Variants in PRMT3 observed in about 807,000 individuals in gnomAD.
PRMT3 encodes protein arginine methyltransferase 3.
PRMT3 carries 62 observed loss-of-function variants against 71.9 expected under a neutral mutation model. That is an observed-to-expected ratio of 0.86 (90% CI 0.70 to 1.07). The LOEUF is 1.07. Among genes scored for constraint, PRMT3 ranks in the 50% least tolerant of loss-of-function variants. PRMT3 has a pLI of 0.00. For synonymous variants in PRMT3, 213 were observed against 220.4 expected (o/e 0.97, Z 0.30); for missense variants, 663 against 643.0 (o/e 1.03, Z -0.34).
chr11:20,503,226 GATTAT>G (rs1795646739), intron 15 of PRMT3, among the ~76,000 whole-genome samples: 1 of 151,924 alleles, frequency 6.6e-6, no homozygotes, highest in Non-Finnish European at 1.5e-5. Context: ...TCCTTTAAAA[GATTAT>G]ATTACTACTT....
intron 15 of PRMT3, among the ~76,000 whole-genome samples, chr11:20,503,442 C>T (rs1202018013): frequency 6.6e-6 from 1 of 152,014 alleles, no homozygotes; most frequent in Non-Finnish European, 1.5e-5. Context: ...TTACATATAC[C>T]ACTGTGGAAA....
intron 10 of PRMT3, among the ~76,000 whole-genome samples, chr11:20,439,256 T>A (rs1230275850): frequency 6.6e-6 from 1 of 152,020 alleles, no homozygotes; most frequent in Non-Finnish European, 1.5e-5. Flanking sequence ...TCTGTAGATG[T>A]CCAATGTGTT....
Position 20,508,633 on chromosome 11 carries a change from G to C in PRMT3, c.*220G>C, listed in dbSNP as rs7119577. ...GGTCTGCCACGTAATCATTTTCTTA[G>C]ACGTTTGCTCCACCAGATTTAACCA... On this transcript the variant is annotated 3_prime_UTR_variant, in exon 16 of 16. Coordinates refer to ENST00000331079, the MANE Select transcript of PRMT3 (RefSeq NM_005788.4). 2.3e-5 allele frequency: 15 copies of C among 654,760 alleles called. No individual in the cohort carries two copies. Among genetic ancestry groups the C allele is most frequent in the Admixed American group, 2.3e-4 (11 of 48,600 alleles). The allele number at this position is 654,760 out of a possible 1,614,324, so 40.6% of individuals were successfully genotyped here. A position where few individuals can be genotyped will look rare whatever the true frequency, so the allele number is the denominator to read the frequency against.
At chr11:20,495,901 A>G (rs183349950) in intron 15 of PRMT3, among the ~76,000 whole-genome samples, 130 of 152,324 alleles carry the variant, frequency 8.5e-4, no homozygotes, top group Non-Finnish European at 1.3e-3. Context: ...TTGTCCATCA[A>G]TTGGGGGAAG....
Position 20,508,350 on chromosome 11 carries a change from T to C in PRMT3, c.1533T>C (p.Asp511=). ...GKVTVHKNKK[D]PRSLTVTLTL... is the part of the protein sequence containing the mutation. ...TCACAGTTCACAAGAATAAGAAAGATCCACGTTCTCTCACCGTGACCCTCA... is the reference window on the plus strand; with the variant it reads ...TCACAGTTCACAAGAATAAGAAAGACCCACGTTCTCTCACCGTGACCCTCA... Residue 511 remains aspartate, a synonymous_variant, in exon 16 of 16, where the codon GAT becomes GAC. Coordinates refer to ENST00000331079, the MANE Select transcript of PRMT3 (RefSeq NM_005788.4). The C allele has an allele frequency of 6.2e-7, 1 of 1,612,526 alleles. No individual in the cohort carries two copies. Among genetic ancestry groups the C allele is most frequent in the East Asian group, 2.2e-5 (1 of 44,846 alleles).
At chr11:20,413,841 A>G (rs1849246114) in intron 9 of PRMT3, among the ~76,000 whole-genome samples, 1 of 152,064 alleles carries the variant, frequency 6.6e-6, no homozygotes, top group South Asian at 2.1e-4. Flanking sequence ...GTTTTCTATA[A>G]CATCAGTCAA....
chr11:20,394,226 AAGTT>A (rs1848776996), intron 5 of PRMT3, among the ~76,000 whole-genome samples: 1 of 152,234 alleles, frequency 6.6e-6, no homozygotes, highest in African/African-American at 2.4e-5. Context: ...GTTGATCCGA[AAGTT>A]AGATCAGTAA....
intron 10 of PRMT3, among the ~76,000 whole-genome samples, chr11:20,449,878 C>T (rs956106941): frequency 6.6e-6 from 1 of 152,010 alleles, no homozygotes; most frequent in Non-Finnish European, 1.5e-5. Context: ...AATATAGCTT[C>T]AAACAATATG....
chr11:20,490,085 C>T (rs1851171645), intron 13 of PRMT3, among the ~76,000 whole-genome samples: 1 of 150,358 alleles, frequency 6.7e-6, no homozygotes, highest in Non-Finnish European at 1.5e-5. Flanking sequence ...AGCAATCTTC[C>T]ACTTTCTCAA....
At chr11:20,504,748 G>C (rs867622231) in intron 15 of PRMT3, among the ~76,000 whole-genome samples, 1 of 142,992 alleles carries the variant, frequency 7.0e-6, no homozygotes, top group Non-Finnish European at 1.5e-5. Flanking sequence ...GAGAGAGAGC[G>C]AGAGCGACTG....
At chr11:20,430,336 C>T (rs2133357213) in intron 10 of PRMT3, among the ~76,000 whole-genome samples, 1 of 152,208 alleles carries the variant, frequency 6.6e-6, no homozygotes, top group South Asian at 2.1e-4. Context: ...AATCATATAG[C>T]AGAGATGTAC....
In PRMT3 at chr11:20,494,618, G is replaced by A. The variant is rs546776058; in HGVS notation, c.1486+364G>A. ...TGGGATTGCAGGTGTGAGCCACTGCGCCTGGCCTGCACAATATATTTGAAG... is the reference window on the plus strand; with the variant it reads ...TGGGATTGCAGGTGTGAGCCACTGCACCTGGCCTGCACAATATATTTGAAG... On this transcript the variant is annotated intron_variant, in intron 15 of 15. Transcript: ENST00000331079. Among the ~76,000 whole-genome samples, 7 of 152,224 alleles carry A rather than the reference G, an allele frequency of 4.6e-5. No homozygotes were observed. In the South Asian group the frequency reaches 1.2e-3, roughly 27 times the overall value.
Position 20,389,708 on chromosome 11 carries a change from G to A in PRMT3, c.165-36G>A. On this transcript the variant is annotated intron_variant, in intron 2 of 15. Transcript: ENST00000331079. Reference sequence around the variant, plus strand: ...TGAAATCAGTATTTAGACTTCTTAGGGGACTATTCCATGAAGCTATTGCTT... The same window carrying A: ...TGAAATCAGTATTTAGACTTCTTAGAGGACTATTCCATGAAGCTATTGCTT... 3 of 1,428,864 alleles carry A rather than the reference G, an allele frequency of 2.1e-6. No individual in the cohort carries two copies. The South Asian group carries it at 3.5e-5, about 17-fold the overall frequency. 88.5% of individuals were successfully genotyped at this position (1,428,864 alleles called of 1,614,324 possible).
chr11:20,401,514 A>G (rs550562174), intron 7 of PRMT3, among the ~76,000 whole-genome samples: 4 of 152,238 alleles, frequency 2.6e-5, no homozygotes, highest in South Asian at 2.1e-4. Context: ...AAGTAAAACA[A>G]CTTGCCCTTT....
rs1849024304 is a variant in PRMT3 at position 20,404,283 on chromosome 11, G to A, written c.771+1299G>A. ...AGAGTCTCGCTTTGTCGCCATGCTG[G>A]AGTGCACTGGCGCGATCTCCGTTCA... On this transcript the variant is annotated intron_variant, in intron 8 of 15. Coordinates refer to ENST00000331079, the MANE Select transcript of PRMT3 (RefSeq NM_005788.4). 2.2e-5 allele frequency among the ~76,000 whole-genome samples: 3 copies of A among 134,540 alleles called. No homozygotes were observed. In the South Asian group the frequency reaches 6.9e-4, roughly 31 times the overall value. 88.3% of individuals were successfully genotyped at this position (134,540 alleles called of 152,430 possible).
chr11:20,477,903 C>A (rs949864370), intron 13 of PRMT3, among the ~76,000 whole-genome samples: 1 of 151,112 alleles, frequency 6.6e-6, no homozygotes, highest in Non-Finnish European at 1.5e-5. Flanking sequence ...ACCAACTCTG[C>A]CTTTTGGATT....
intron 10 of PRMT3, among the ~76,000 whole-genome samples, chr11:20,440,723 T>A (rs1329122669): frequency 1.3e-5 from 2 of 152,068 alleles, no homozygotes; most frequent in Non-Finnish European, 2.9e-5. Flanking sequence ...AAAGAAAAAA[T>A]TTGAAATTAT....
rs778979079 is a variant in PRMT3, at chr11:20,387,888, G to A, written c.28+114G>A. ...CCGGGCAGGGTGGGGGGCTCGCAGGGATCATGAAGGAGGTGCTGAGTGAGG... is the reference window on the plus strand; with the variant it reads ...CCGGGCAGGGTGGGGGGCTCGCAGGAATCATGAAGGAGGTGCTGAGTGAGG... On this transcript the variant is annotated intron_variant, in intron 1 of 15. Transcript: ENST00000331079. This position sits in a 1 kb window ranked among gnomAD's most constrained non-coding sequence, Gnocchi z 4.3. 13 of 1,543,290 alleles carry A rather than the reference G, an allele frequency of 8.4e-6. No homozygotes were observed. Among genetic ancestry groups the A allele is most frequent in the Non-Finnish European group, 1.0e-5 (12 of 1,143,092 alleles).
Position 20,508,647 on chromosome 11 carries a change from C to A in PRMT3, c.*234C>A. On this transcript the variant is annotated 3_prime_UTR_variant, in exon 16 of 16. Transcript: ENST00000331079. ...TCATTTTCTTAGACGTTTGCTCCAC[C>A]AGATTTAACCAAATGTAACTCCCAC... The A allele has an allele frequency of 1.6e-6, 1 of 626,298 alleles. No homozygotes were observed. Among genetic ancestry groups the A allele is most frequent in the Non-Finnish European group, 3.0e-6 (1 of 336,618 alleles). The allele number at this position is 626,298 out of a possible 1,614,324, so 38.8% of individuals were successfully genotyped here.
Sources: allele counts gnomAD v4.1 joint callset (sites outside exome capture counted in the v4.1 genomes callset), GRCh38; gene constraint gnomAD v4.1.1; non-coding constraint Gnocchi (gnomAD v3.1); transcripts MANE v1.5; gene names NCBI Gene and HGNC (gene_info 2026-07-23, HGNC 2026-07-21).